The following SYNE1 variants were observed in gnomAD, a reference collection of about 807,000 sequenced individuals.
SYNE1 encodes spectrin repeat containing nuclear envelope protein 1, also known as nesprin-1.
SYNE1 carries 616 observed loss-of-function variants against 1,111.0 expected under a neutral mutation model. The ratio of observed to expected loss-of-function variants is 0.55; its 90% CI spans 0.52 to 0.59. SYNE1 has a LOEUF of 0.59. Among genes scored for constraint, SYNE1 ranks in the 20% least tolerant of loss-of-function variants. The pLI, the probability that SYNE1 is intolerant of heterozygous loss-of-function variation, is 0.00. For synonymous variants in SYNE1, 3,855 were observed against 3,825.8 expected (o/e 1.01, Z -0.28); for missense variants, 10,006 against 10,417.0 (o/e 0.96, Z 1.72).
intron 95 of SYNE1, among the ~76,000 whole-genome samples, chr6:152,290,939 C>A (rs2094570176): frequency 6.6e-6 from 1 of 151,776 alleles, no homozygotes; most frequent in South Asian, 2.1e-4. Context: ...CTGGCACAGA[C>A]AGCAAAAGGT....
Position 152,615,027 on chromosome 6 carries a change from T to C in SYNE1, c.67+13238A>G, listed in dbSNP as rs776364697. 7.2e-5 allele frequency among the ~76,000 whole-genome samples: 11 copies of C among 152,278 alleles called. No individual in the cohort carries two copies. In the South Asian group the frequency reaches 1.9e-3, roughly 26 times the overall value. Reference sequence around the variant, plus strand: ...GGATAGCATTAGGAGAAATACCTAATGTAAATGACAAGTTGATGGGTGCAG... The same window carrying C: ...GGATAGCATTAGGAGAAATACCTAACGTAAATGACAAGTTGATGGGTGCAG... On this transcript the variant is annotated intron_variant, in intron 3 of 145. Transcript: ENST00000367255.
chr6:152,615,950 T>G (rs1296595308), intron 3 of SYNE1, among the ~76,000 whole-genome samples: 1 of 152,214 alleles, frequency 6.6e-6, no homozygotes. Context: ...GTATCACATT[T>G]CCTACTAATT....
At chr6:152,536,828 T>G (rs1042458232) in intron 4 of SYNE1, among the ~76,000 whole-genome samples, 4 of 152,116 alleles carry the variant, frequency 2.6e-5, no homozygotes, top group African/African-American at 4.8e-5. Flanking sequence ...TTTCTCCATT[T>G]AAGCTTAGAA....
At chr6:152,399,971 G>C (rs2097787675) in intron 47 of SYNE1, 148 bp from the exon 48 acceptor site, 1 of 907,650 alleles carries the variant, frequency 1.1e-6, no homozygotes, top group Non-Finnish European at 1.7e-6. Flanking sequence ...TTGAGTACTT[G>C]TACTAGATCT....
intron 14 of SYNE1, among the ~76,000 whole-genome samples, chr6:152,476,412 C>A (rs7755692): frequency 0.77 from 117,183 of 151,934 alleles, 46,296 homozygotes; most frequent in East Asian, 0.96. Context: ...TCTGCCCTCA[C>A]AACATATTCA....
At chr6:152,256,871 A>C in intron 101 of SYNE1, 106 bp from the exon 102 acceptor site, 1 of 1,539,928 alleles carries the variant, frequency 6.5e-7, no homozygotes, top group South Asian at 1.1e-5. Context: ...TGTCCATATG[A>C]AAATTTCTTC....
At chr6:152,273,359 G>A (rs1398046369) in intron 98 of SYNE1, among the ~76,000 whole-genome samples, 1 of 152,198 alleles carries the variant, frequency 6.6e-6, no homozygotes, top group East Asian at 1.9e-4. Context: ...TATTTTAACT[G>A]CTGCAATTTG....
intron 48 of SYNE1, 39 bp downstream of exon 48, chr6:152,399,577 G>A (rs374142372): frequency 2.5e-4 from 401 of 1,609,824 alleles, no homozygotes; most frequent in Middle Eastern, 5.5e-4. Context: ...ATTCTTTCTC[G>A]GAAACAAACT....
chr6:152,215,310 C>T (rs1330400286), intron 121 of SYNE1, among the ~76,000 whole-genome samples: 7 of 152,114 alleles, frequency 4.6e-5, no homozygotes, highest in Admixed American at 1.3e-4. Flanking sequence ...GACTACTTAA[C>T]GTGTATTCTG....
chr6:152,599,635 G>T (rs2099591432), intron 3 of SYNE1, among the ~76,000 whole-genome samples: 1 of 152,128 alleles, frequency 6.6e-6, no homozygotes, highest in Non-Finnish European at 1.5e-5. Flanking sequence ...CCAAACTACT[G>T]ACTATAAAAC....
At chr6:152,196,894 G>A (rs1288789096) in intron 127 of SYNE1, among the ~76,000 whole-genome samples, 3 of 152,134 alleles carry the variant, frequency 2.0e-5, no homozygotes, top group African/African-American at 7.2e-5. Context: ...TCAAATTTAT[G>A]TAGGACCCCA....
chr6:152,141,464 T>C, intron 138 of SYNE1, 135 bp from the exon 139 acceptor site: 2 of 1,214,448 alleles, frequency 1.6e-6, no homozygotes, highest in South Asian at 1.3e-5. Flanking sequence ...CTGCTAAAAA[T>C]AAGCCAAGAT....
chr6:152,337,619 G>A (rs1198649781), intron 75 of SYNE1, among the ~76,000 whole-genome samples: 1 of 152,146 alleles, frequency 6.6e-6, no homozygotes, highest in Non-Finnish European at 1.5e-5. Context: ...AATGTATTAG[G>A]TCTAAAGCTG....
intron 39 of SYNE1, among the ~76,000 whole-genome samples, chr6:152,424,265 C>G (rs1592399759): frequency 6.6e-6 from 1 of 152,350 alleles, no homozygotes; most frequent in South Asian, 2.1e-4. Context: ...CAAAGTTCAA[C>G]TGTTAAATCA....
At position 152,373,076 on chromosome 6, in the gene SYNE1, A is replaced by AT; in HGVS notation, c.9467dup (p.Asn3156LysfsTer24). ...CTTTTTGGTGGAGATTTGAATGAAA[A>AT]TTTTTCCAATCTTCTTTTGCAGCTG... On this transcript the variant is annotated frameshift_variant, in exon 59 of 146. Coordinates refer to ENST00000367255, the MANE Select transcript of SYNE1 (RefSeq NM_182961.4). LOFTEE classifies it high-confidence loss of function. 1 of 1,613,840 alleles carries AT rather than the reference A, an allele frequency of 6.2e-7. No homozygotes were observed. Among genetic ancestry groups the AT allele is most frequent in the Non-Finnish European group, 8.5e-7 (1 of 1,179,974 alleles).
chr6:152,399,669 A>T lies in SYNE1; in HGVS notation c.7184T>A (p.Leu2395Ter), dbSNP rs775409833. The T allele has an allele frequency of 1.6e-5, 26 of 1,614,156 alleles. No homozygotes were observed. Among genetic ancestry groups the T allele is most frequent in the Non-Finnish European group, 2.2e-5 (26 of 1,180,014 alleles). The change falls in exon 48 of 146, where the codon TTG becomes TAG. Residue 2395 changes from leucine (L) to a stop codon, truncating the protein, a stop_gained. Coordinates refer to ENST00000367255, the MANE Select transcript of SYNE1 (RefSeq NM_182961.4). LOFTEE classifies it high-confidence loss of function. ...CAGGCTGGCCTGGGTTTTGGAGCACAACTGGCTCACGGCTTCATGTTTCTT... is the reference window on the plus strand; with the variant it reads ...CAGGCTGGCCTGGGTTTTGGAGCACTACTGGCTCACGGCTTCATGTTTCTT... ...LIKKHEAVSQ[L>*]CSKTQASLQE... is the part of the protein sequence containing the mutation.
At chr6:152,158,480 G>A (rs2061796297) in intron 131 of SYNE1, among the ~76,000 whole-genome samples, 2 of 152,140 alleles carry the variant, frequency 1.3e-5, no homozygotes, top group Admixed American at 6.5e-5. Context: ...AAATGTCATA[G>A]TGCCTTTAAT....
At position 152,318,937 on chromosome 6, in the gene SYNE1, T is replaced by C. The variant is rs2095802947; in HGVS notation, c.16315A>G (p.Lys5439Glu). 1.2e-6 allele frequency: 2 copies of C among 1,614,114 alleles called. No individual in the cohort carries two copies. Among genetic ancestry groups the C allele is most frequent in the Non-Finnish European group, 1.7e-6 (2 of 1,180,044 alleles). Residue 5439 changes from lysine (K) to glutamate (E), a missense_variant, in exon 85 of 146, where the codon AAA becomes GAA. This residue lies in a region of SYNE1 where 4,955 missense variants were observed against 5,017.2 expected (regional missense o/e 0.99). Coordinates refer to ENST00000367255, the MANE Select transcript of SYNE1 (RefSeq NM_182961.4). Reference protein sequence around the residue: ...ELSRQIQKLAKDLTTILTKLK... With the variant: ...ELSRQIQKLAEDLTTILTKLK... ...TTAGTTAGAATAGTTGTGAGGTCTTTAGCTAACTTCTGAATTTGCCGGCTG... is the reference window on the plus strand; with the variant it reads ...TTAGTTAGAATAGTTGTGAGGTCTTCAGCTAACTTCTGAATTTGCCGGCTG...
chr6:152,434,475 T>C (rs2098455808), intron 33 of SYNE1: 1 of 154,094 alleles, frequency 6.5e-6, no homozygotes, highest in African/African-American at 2.4e-5. Context: ...ACTGTTTCTA[T>C]TATTAGAGCT....
Sources: gnomAD v4.1 joint callset for allele counts (sites outside exome capture counted in the v4.1 genomes callset) on GRCh38, gnomAD v4.1.1 for gene constraint, gnomAD v4.1.1 regional missense constraint, MANE v1.5 for transcripts, NCBI Gene and HGNC (gene_info 2026-07-23, HGNC 2026-07-21) for gene names.